Variants in FREM2 observed in about 807,000 individuals in gnomAD.
FREM2 encodes FRAS1-related extracellular matrix protein 2.
Under a neutral mutation model 219.9 loss-of-function variants are expected in FREM2, and 119 were observed. The ratio of observed to expected loss-of-function variants is 0.54; its 90% confidence interval spans 0.47 to 0.63. The LOEUF is 0.63. Among genes scored for constraint, FREM2 ranks in the 30% least tolerant of loss-of-function variants. FREM2 has a pLI of 0.00. For missense variants in FREM2, 4,030 were observed against 3,993.6 expected, an observed-to-expected ratio of 1.01 and a Z score of -0.25; for synonymous variants, 1,562 against 1,522.8, an observed-to-expected ratio of 1.03 and a Z score of -0.60.
chr13:38,872,374 A>T (rs1878188232), intron 16 of FREM2, among the ~76,000 whole-genome samples: 1 of 152,220 alleles, frequency 6.6e-6, no homozygotes, highest in Non-Finnish European at 1.5e-5. Flanking sequence ...TGTTGGTTGC[A>T]CAGCTCCTTA....
Position 38,850,100 on chromosome 13 carries a change from A to G in FREM2, c.6442A>G (p.Thr2148Ala). 6.2e-7 allele frequency: 1 copy of G among 1,614,078 alleles called. No homozygotes were observed. The highest frequency in any genetic ancestry group is 1.1e-5 in the South Asian group (1 of 91,086). Residue 2148 changes from threonine to alanine, a missense_variant, in exon 9 of 24, where the codon ACA (threonine) becomes GCA (alanine). Coordinates refer to ENST00000280481, the MANE Select transcript of FREM2 (RefSeq NM_207361.6). ...CAGCGAAAGTGATGGGCAGATAGTTACAATGATCCATAGGACTGGGGATGT... is the reference window on the plus strand; with the variant it reads ...CAGCGAAAGTGATGGGCAGATAGTTGCAATGATCCATAGGACTGGGGATGT... ...TGSESDGQIV[T>A]MIHRTGDVQY...
chr13:38,843,500 A>T lies in FREM2; in HGVS notation c.6020-3073A>T, dbSNP rs151221257. On this transcript the variant is annotated intron_variant, in intron 6 of 23. Coordinates refer to ENST00000280481, the MANE Select transcript of FREM2 (RefSeq NM_207361.6). ...TTAAAAGTCTTACTCATGAATAATA[A>T]TTTTTGAGGGACAAGCAATTATTCT... 2.8e-4 allele frequency among the ~76,000 whole-genome samples: 42 copies of T among 152,218 alleles called. 1 individual carries two copies. Among genetic ancestry groups the T allele is most frequent in the African/African-American group, 9.1e-4 (38 of 41,568 alleles).
chr13:38,865,282 C>A (rs1877924405), intron 16 of FREM2, among the ~76,000 whole-genome samples: 1 of 152,104 alleles, frequency 6.6e-6, no homozygotes, highest in African/African-American at 2.4e-5. Context: ...ATCCTCACCC[C>A]CACCCCATCA....
At chr13:38,802,972 C>T (rs1156686994) in intron 6 of FREM2, among the ~76,000 whole-genome samples, 1 of 152,180 alleles carries the variant, frequency 6.6e-6, no homozygotes, top group East Asian at 1.9e-4. Flanking sequence ...GCTTCCCTCT[C>T]CTTCTTTGCT....
chr13:38,792,006 T>C (rs1310612165), intron 6 of FREM2, among the ~76,000 whole-genome samples: 1 of 152,168 alleles, frequency 6.6e-6, no homozygotes, highest in African/African-American at 2.4e-5. Context: ...TCACTACATC[T>C]ACCATATACT....
rs1460547033 is a variant in FREM2, at chr13:38,784,908, T to C, written c.6019+100T>C. The C allele has an allele frequency of 2.4e-6, 3 of 1,266,352 alleles. No individual in the cohort carries two copies. The African/African-American group carries it at 4.5e-5, about 19-fold the overall frequency. The allele number at this position is 1,266,352 out of a possible 1,614,324, so 78.4% of individuals were successfully genotyped here. On this transcript the variant is annotated intron_variant, in intron 6 of 23. Transcript: ENST00000280481. ...ATGGGAATCTAAAACAATGATAATA[T>C]ACACATTTATTTTATGTTTGGTTTT...
chr13:38,876,643 C>T (rs1878353681), intron 20 of FREM2, among the ~76,000 whole-genome samples: 2 of 152,090 alleles, frequency 1.3e-5, no homozygotes, highest in African/African-American at 4.8e-5. Context: ...TATCTTGTGT[C>T]CTCCTGAAGT....
chr13:38,829,196 A>C (rs1354078344), intron 6 of FREM2, among the ~76,000 whole-genome samples: 1 of 152,164 alleles, frequency 6.6e-6, no homozygotes, highest in Non-Finnish European at 1.5e-5. Flanking sequence ...TAAGGGGTAG[A>C]ACATAAGCAG....
At chr13:38,878,046 G>A (rs1482020495) in intron 21 of FREM2, 88 bp from the exon 22 acceptor site, 1 of 1,107,724 alleles carries the variant, frequency 9.0e-7, no homozygotes, top group Non-Finnish European at 1.4e-6. Context: ...AATAATCTCT[G>A]TGTCCTCATT....
chr13:38,774,663 A>G (rs1593399283), intron 4 of FREM2, among the ~76,000 whole-genome samples: 1 of 152,294 alleles, frequency 6.6e-6, no homozygotes, highest in East Asian at 1.9e-4. Context: ...AAACATTTCC[A>G]TTTTTGTTAA....
At chr13:38,863,882 G>A (rs1877853464) in intron 15 of FREM2, among the ~76,000 whole-genome samples, 1 of 152,030 alleles carries the variant, frequency 6.6e-6, no homozygotes, top group Non-Finnish European at 1.5e-5. Context: ...GTCCAGGCTG[G>A]AGTGCAGTGG....
intron 10 of FREM2, 134 bp downstream of exon 10, chr13:38,851,242 C>A: frequency 1.2e-6 from 1 of 801,880 alleles, no homozygotes; most frequent in Non-Finnish European, 2.0e-6. Context: ...AATTGAGAAA[C>A]AGCAAAAAGA....
rs897340694 is a variant in FREM2, at chr13:38,856,187, G to A, written c.6987G>A (p.Gly2329=). 4 of 1,612,222 alleles carry A rather than the reference G, an allele frequency of 2.5e-6. No individual in the cohort carries two copies. Among genetic ancestry groups the A allele is most frequent in the Admixed American group, 3.3e-5 (2 of 59,986 alleles). ...HVVEIEVTFD[G]VREMREAFTV... ...TTGAAATCGAAGTTACCTTTGACGGGGTGAGAGAGATGAGAGAGGCCTTCA... is the reference window on the plus strand; with the variant it reads ...TTGAAATCGAAGTTACCTTTGACGGAGTGAGAGAGATGAGAGAGGCCTTCA... Residue 2329 remains glycine, a synonymous_variant, in exon 12 of 24, where the codon GGG becomes GGA. Coordinates refer to ENST00000280481, the MANE Select transcript of FREM2 (RefSeq NM_207361.6).
At chr13:38,765,413 T>G (rs549789894) in intron 3 of FREM2, among the ~76,000 whole-genome samples, 1 of 152,290 alleles carries the variant, frequency 6.6e-6, no homozygotes, top group Admixed American at 6.5e-5. Flanking sequence ...GAGATTTCAT[T>G]GAGTGAGATT....
At chr13:38,746,991 T>C (rs531149243) in intron 2 of FREM2, among the ~76,000 whole-genome samples, 4 of 152,212 alleles carry the variant, frequency 2.6e-5, no homozygotes, top group Admixed American at 2.6e-4. Context: ...GATATTCTAG[T>C]GCAGACCTTG....
chr13:38,806,195 G>C (rs1192695653), intron 6 of FREM2, among the ~76,000 whole-genome samples: 2 of 151,850 alleles, frequency 1.3e-5, no homozygotes, highest in Non-Finnish European at 2.9e-5. Context: ...GGGAGGACTT[G>C]TGGCCCCATG....
chr13:38,793,558 C>G (rs1439029555), intron 6 of FREM2, among the ~76,000 whole-genome samples: 1 of 152,118 alleles, frequency 6.6e-6, no homozygotes, highest in East Asian at 1.9e-4. Flanking sequence ...TTATAGGGCC[C>G]TGTGGCCATA....
intron 4 of FREM2, among the ~76,000 whole-genome samples, chr13:38,772,949 G>A (rs763841985): frequency 6.6e-6 from 1 of 151,830 alleles, no homozygotes; most frequent in African/African-American, 2.4e-5. Context: ...TGCCCGCCTC[G>A]GCCTTCCAAA....
At position 38,859,346 on chromosome 13, in the gene FREM2, C is replaced by T; in HGVS notation, c.7275C>T (p.Asn2425=). Residue 2425 remains asparagine, a synonymous_variant, in exon 14 of 24, where the codon AAC becomes AAT. Coordinates refer to ENST00000280481, the MANE Select transcript of FREM2 (RefSeq NM_207361.6). ...DKTGSICASE[N]INDTLTRYRW... ...CAGGCTCTATCTGTGCAAGTGAGAA[C>T]ATCAATGACACTTTGACGCGGTACC... 6.2e-7 allele frequency: 1 copy of T among 1,614,202 alleles called. No homozygotes were observed. Among genetic ancestry groups the T allele is most frequent in the Non-Finnish European group, 8.5e-7 (1 of 1,180,036 alleles).
Sources: allele counts gnomAD v4.1 joint callset (sites outside exome capture counted in the v4.1 genomes callset), GRCh38; gene constraint gnomAD v4.1.1; transcripts MANE v1.5; gene names NCBI Gene and HGNC (gene_info 2026-07-23, HGNC 2026-07-21).